PLCB1: variants seen among roughly 807,000 people sequenced by gnomAD.
PLCB1 encodes 1-phosphatidylinositol 4,5-bisphosphate phosphodiesterase beta-1.
In PLCB1, 46 loss-of-function variants were observed where a neutral mutation model predicts 161.8. The ratio of observed to expected loss-of-function variants is 0.28; its 90% CI spans 0.22 to 0.36. The LOEUF (loss-of-function observed/expected upper bound fraction) is 0.36, where lower values mean the gene tolerates loss of function less well. Ranked by LOEUF, PLCB1 falls within the 10% of genes least tolerant of loss-of-function variation. PLCB1 has a pLI of 1.00. For missense variants in PLCB1, 1,016 were observed against 1,472.5 expected, an observed-to-expected ratio of 0.69 and a Z score of 5.07; for synonymous variants, 517 against 503.7, an observed-to-expected ratio of 1.03 and a Z score of -0.35.
intron 3 of PLCB1, among the ~76,000 whole-genome samples, chr20:8,384,872 G>A (rs1454954953): frequency 2.0e-5 from 3 of 152,150 alleles, no homozygotes; most frequent in Admixed American, 6.5e-5. Flanking sequence ...ACTCAAGGAG[G>A]CTGTAGGACA....
intron 3 of PLCB1, among the ~76,000 whole-genome samples, chr20:8,376,938 A>C (rs1009280861): frequency 2.6e-5 from 4 of 152,038 alleles, no homozygotes; most frequent in Non-Finnish European, 5.9e-5. Flanking sequence ...AAAAAAAAAA[A>C]AGAAAAAGAA....
chr20:8,826,800 T>C (rs1985728753), intron 31 of PLCB1, among the ~76,000 whole-genome samples: 2 of 152,212 alleles, frequency 1.3e-5, no homozygotes, highest in African/African-American at 4.8e-5. Flanking sequence ...CATTTTATAA[T>C]GAATAAGACT....
intron 31 of PLCB1, chr20:8,802,425 C>T (rs1342876270): frequency 7.4e-6 from 3 of 404,560 alleles, no homozygotes; most frequent in Non-Finnish European, 1.3e-5. Context: ...TTGTCTTCTT[C>T]CTCTTTCTCC....
At chr20:8,857,761 A>C (rs572891052) in intron 31 of PLCB1, among the ~76,000 whole-genome samples, 1 of 152,352 alleles carries the variant, frequency 6.6e-6, no homozygotes, top group East Asian at 1.9e-4. Flanking sequence ...TACTAAGATG[A>C]GTATGAAATG....
chr20:8,330,957 C>G (rs190906227), intron 2 of PLCB1, among the ~76,000 whole-genome samples: 1 of 152,148 alleles, frequency 6.6e-6, no homozygotes, highest in Non-Finnish European at 1.5e-5. Context: ...ATGCACAAAG[C>G]GCTTCTGGTA....
At chr20:8,490,301 T>A (rs565814526) in intron 3 of PLCB1, among the ~76,000 whole-genome samples, 18 of 152,330 alleles carry the variant, frequency 1.2e-4, no homozygotes, top group Non-Finnish European at 1.3e-4. Context: ...CTCCAGAATC[T>A]GGAGTGCAGA....
At chr20:8,482,125 G>C (rs9631170) in intron 3 of PLCB1, among the ~76,000 whole-genome samples, 1 of 73,690 alleles carries the variant, frequency 1.4e-5, no homozygotes, top group African/African-American at 7.1e-5. Flanking sequence ...TTTTTTTTGA[G>C]AGGGAGTCTC....
chr20:8,384,152 G>T (rs6140611), intron 3 of PLCB1, among the ~76,000 whole-genome samples: 7,533 of 152,028 alleles, frequency 0.05, 336 homozygotes, highest in Admixed American at 0.13. Flanking sequence ...TCCCTGTCAC[G>T]TACTCCATTC....
chr20:8,327,707 T>G (rs1985210987), intron 2 of PLCB1, among the ~76,000 whole-genome samples: 1 of 152,218 alleles, frequency 6.6e-6, no homozygotes, highest in African/African-American at 2.4e-5. Context: ...TAATTTCTAA[T>G]GTTTAAGTTA....
intron 2 of PLCB1, among the ~76,000 whole-genome samples, chr20:8,236,320 C>T (rs781735683): frequency 4.6e-5 from 7 of 151,954 alleles, no homozygotes; most frequent in Admixed American, 1.3e-4. Flanking sequence ...GGCTTGAGGC[C>T]GGGAGTTTGA....
intron 12 of PLCB1, among the ~76,000 whole-genome samples, chr20:8,714,085 C>T (rs1440380213): frequency 2.0e-5 from 3 of 152,134 alleles, no homozygotes; most frequent in African/African-American, 7.2e-5. Flanking sequence ...ATGTCATCTA[C>T]TTTGGCACAT....
rs377710443 is a variant in PLCB1 at position 8,293,013 on chromosome 20, T to C, written c.178-78369T>C. ...ATCACTTTAAAGTGTTATGTTTTGA[T>C]TGACACTGTGGTTGCAAAAACATGG... On this transcript the variant is annotated intron_variant, in intron 2 of 31. Coordinates refer to ENST00000338037, the MANE Select transcript of PLCB1 (RefSeq NM_015192.4). Among the ~76,000 whole-genome samples the C allele has an allele frequency of 3.0e-4, 46 of 152,218 alleles. 1 individual carries two copies. The South Asian group carries it at 6.0e-3, about 20-fold the overall frequency.
intron 7 of PLCB1, 100 bp from the exon 8 acceptor site, chr20:8,657,084 A>G (rs1241143261): frequency 6.9e-6 from 5 of 724,128 alleles, no homozygotes; most frequent in Admixed American, 6.0e-5. Flanking sequence ...GAAGGGGGGA[A>G]GAAAAGAAAG....
At chr20:8,465,224 T>G (rs114874416) in intron 3 of PLCB1, among the ~76,000 whole-genome samples, 1,711 of 152,258 alleles carry the variant, frequency 0.011, 33 homozygotes, top group African/African-American at 0.038. Context: ...TGATTTTTGT[T>G]TGCTTCAAGT....
intron 3 of PLCB1, among the ~76,000 whole-genome samples, chr20:8,405,221 G>C (rs1489115058): frequency 6.6e-6 from 1 of 152,064 alleles, no homozygotes; most frequent in Non-Finnish European, 1.5e-5. Flanking sequence ...ATTTGGGCTG[G>C]GGTCTCTCAC....
intron 3 of PLCB1, among the ~76,000 whole-genome samples, chr20:8,615,773 TTC>T (rs1266771504): frequency 6.6e-6 from 1 of 152,200 alleles, no homozygotes; most frequent in Non-Finnish European, 1.5e-5. Flanking sequence ...GTATTTGAAC[TTC>T]TCTCCGGAAT....
chr20:8,184,908 A>C (rs1268249956), intron 2 of PLCB1, among the ~76,000 whole-genome samples: 1 of 151,794 alleles, frequency 6.6e-6, no homozygotes, highest in Non-Finnish European at 1.5e-5. Context: ...CGTCATCTGC[A>C]TTAGGTATTT....
At chr20:8,694,363 AGT>A (rs572836289) in intron 10 of PLCB1, among the ~76,000 whole-genome samples, 1 of 152,306 alleles carries the variant, frequency 6.6e-6, no homozygotes, top group South Asian at 2.1e-4. Context: ...ATGAACAATG[AGT>A]TTACCTTGGA....
intron 31 of PLCB1, among the ~76,000 whole-genome samples, chr20:8,834,355 T>C (rs1401371948): frequency 1.3e-5 from 2 of 151,940 alleles, no homozygotes; most frequent in Non-Finnish European, 2.9e-5. Context: ...AGAAAGGAGA[T>C]ATATCAGTCA....
Sources: gnomAD v4.1 joint callset for allele counts (sites outside exome capture counted in the v4.1 genomes callset) on GRCh38, gnomAD v4.1.1 for gene constraint, MANE v1.5 for transcripts, NCBI Gene and HGNC (gene_info 2026-07-23, HGNC 2026-07-21) for gene names.